Variants in CCDC73 observed in about 807,000 individuals in gnomAD.
CCDC73 encodes the protein coiled-coil domain-containing protein 73.
A neutral mutation model predicts 116.5 loss-of-function variants in CCDC73; 95 were observed. That is an observed-to-expected ratio of 0.82 (90% CI 0.69 to 0.97). The LOEUF (loss-of-function observed/expected upper bound fraction) is 0.97, where lower values mean the gene tolerates loss of function less well. Ranked by LOEUF, CCDC73 falls within the 50% of genes least tolerant of loss-of-function variation. The pLI, the probability that CCDC73 is intolerant of heterozygous loss-of-function variation, is 0.00. For synonymous variants in CCDC73, 398 were observed against 401.3 expected (o/e 0.99, Z 0.10); for missense variants, 1,066 against 1,206.8 (o/e 0.88, Z 1.73).
At chr11:32,805,094 C>T in the CCDC73 span, among the ~76,000 whole-genome samples, 3 of 152,190 alleles carry the variant, frequency 2.0e-5, no homozygotes, top group Non-Finnish European at 4.4e-5. Context: ...CATACAGAAC[C>T]TTGTATCTCA....
chr11:32,611,231 C>A lies in CCDC73; in HGVS notation c.2931G>T (p.Leu977Phe). Residue 977 changes from leucine to phenylalanine, a missense_variant, in exon 17 of 18, where the codon TTG (leucine) becomes TTT (phenylalanine). Transcript: ENST00000335185. ...TTSINRVADT[L>F]NNWSIHPDPK... Reference sequence around the variant, plus strand: ...GATCTGGATGGATACTCCAGTTATTCAAAGTGTCAGCAACTCTGTTAATGC... The same window carrying A: ...GATCTGGATGGATACTCCAGTTATTAAAAGTGTCAGCAACTCTGTTAATGC... 1 of 1,613,482 alleles carries A rather than the reference C, an allele frequency of 6.2e-7. No individual in the cohort carries two copies. The highest frequency in any genetic ancestry group is 8.5e-7 in the Non-Finnish European group (1 of 1,179,626).
chr11:32,792,824 T>C (rs1850688854), intron 1 of CCDC73, among the ~76,000 whole-genome samples: 1 of 152,240 alleles, frequency 6.6e-6, no homozygotes, highest in Admixed American at 6.5e-5. Context: ...TGCATTGTTA[T>C]TTAATCTCTT....
At chr11:32,608,617 GTGGCCCTCTTC>G (rs2133215038) in intron 17 of CCDC73, among the ~76,000 whole-genome samples, 2 of 152,268 alleles carry the variant, frequency 1.3e-5, no homozygotes, top group African/African-American at 4.8e-5. Context: ...CTAGAGGATG[GTGGCCCTCTTC>G]TCATAGCTCC....
In CCDC73 at chr11:32,615,969, C is replaced by A; in HGVS notation, c.1346G>T (p.Gly449Val). ...TATAATTATTTCCTCTATAAATGAGCCTTCTTTTTTTTCTTCTTTTTCTCT... is the reference window on the plus strand; with the variant it reads ...TATAATTATTTCCTCTATAAATGAGACTTCTTTTTTTTCTTCTTTTTCTCT... ...EYREKEEKKE[G>V]SFIEEIIIDD... is the part of the protein sequence containing the mutation. The change falls in exon 15 of 18, where the codon GGC becomes GTC. Residue 449 changes from glycine to valine, a missense_variant. Transcript: ENST00000335185. The A allele has an allele frequency of 6.3e-7, 1 of 1,578,652 alleles. No individual in the cohort carries two copies. Among genetic ancestry groups the A allele is most frequent in the Non-Finnish European group, 8.6e-7 (1 of 1,157,690 alleles).
intron 1 of CCDC73, among the ~76,000 whole-genome samples, chr11:32,767,591 C>A (rs1386901118): frequency 2.0e-5 from 3 of 152,146 alleles, no homozygotes; most frequent in African/African-American, 4.8e-5. Context: ...GGGCTAATAT[C>A]CAGAATCTAC....
Position 32,613,526 on chromosome 11 carries a change from A to C in CCDC73, c.2792T>G (p.Leu931Trp), listed in dbSNP as rs1855441346. 2.5e-6 allele frequency: 4 copies of C among 1,614,156 alleles called. No homozygotes were observed. Among genetic ancestry groups the C allele is most frequent in the African/African-American group, 1.3e-5 (1 of 75,054 alleles). Reference protein sequence around the residue: ...ASSSTPCISLLLKERPLDPSE... With the variant: ...ASSSTPCISLWLKERPLDPSE... The stretch of plus-strand genomic sequence containing the variant: ...TGGATCTAGTGGTCTCTCCTTCAGC[A>C]ACAAAGAAATGCAAGGGGTCGAACT... Residue 931 changes from leucine to tryptophan, a missense_variant, in exon 16 of 18, where the codon TTG becomes TGG. Leu to Trp is a moderately conservative substitution (Grantham distance 61). Coordinates refer to ENST00000335185, the MANE Select transcript of CCDC73 (RefSeq NM_001008391.4).
At position 32,614,260 on chromosome 11, in the gene CCDC73, C is replaced by T. The variant is rs776254950; in HGVS notation, c.2058G>A (p.Leu686=). 4 of 1,613,608 alleles carry T rather than the reference C, an allele frequency of 2.5e-6. No homozygotes were observed. The highest frequency in any genetic ancestry group is 3.4e-6 in the Non-Finnish European group (4 of 1,179,670). The part of the protein sequence containing the change: ...ILLSKQTSDF[L]QVCNDTLEKS... Reference sequence around the variant, plus strand: ...TCTCTAAAGTATCATTACAGACTTGCAGAAAATCTGAAGTTTGTTTAGAAA... The same window carrying T: ...TCTCTAAAGTATCATTACAGACTTGTAGAAAATCTGAAGTTTGTTTAGAAA... The change falls in exon 16 of 18, where the codon CTG becomes CTA. Residue 686 remains leucine (L), a synonymous_variant. Coordinates refer to ENST00000335185, the MANE Select transcript of CCDC73 (RefSeq NM_001008391.4).
the CCDC73 span, among the ~76,000 whole-genome samples, chr11:32,809,102 A>T: frequency 6.6e-6 from 1 of 152,358 alleles, no homozygotes; most frequent in African/African-American, 2.4e-5. Flanking sequence ...GCTAAACTTC[A>T]ACTAATATGG....
intron 12 of CCDC73, among the ~76,000 whole-genome samples, chr11:32,645,103 C>T (rs1049795686): frequency 3.9e-5 from 6 of 151,986 alleles, no homozygotes; most frequent in Admixed American, 6.6e-5. Context: ...TTAGCCTAGG[C>T]CTACACAGAG....
intron 12 of CCDC73, among the ~76,000 whole-genome samples, chr11:32,644,916 T>C (rs1375523908): frequency 6.6e-6 from 1 of 152,206 alleles, no homozygotes; most frequent in East Asian, 1.9e-4. Flanking sequence ...ATCCATTTTG[T>C]TGTGTGAATC....
At chr11:32,776,681 C>T (rs1850534510) in intron 1 of CCDC73, among the ~76,000 whole-genome samples, 1 of 151,874 alleles carries the variant, frequency 6.6e-6, no homozygotes, top group East Asian at 1.9e-4. Flanking sequence ...AAATTCAACC[C>T]TATAGTTTAA....
intron 2 of CCDC73, among the ~76,000 whole-genome samples, chr11:32,731,626 C>T (rs1850079091): frequency 6.6e-6 from 1 of 152,196 alleles, no homozygotes; most frequent in Admixed American, 6.5e-5. Flanking sequence ...GTTCTGCAGC[C>T]TCTGCTGGTG....
rs1850330515 is a variant in CCDC73, at chr11:32,755,643, GTATATATATATCTCCATATATA to G, written c.135+4444_135+4465del. Among the ~76,000 whole-genome samples the G allele has an allele frequency of 2.2e-4, 20 of 90,644 alleles. 1 individual carries two copies. The highest frequency in any genetic ancestry group is 7.7e-4 in the South Asian group (2 of 2,598). The allele number at this position is 90,644 out of a possible 152,430, so 59.5% of individuals were successfully genotyped here. On this transcript the variant is annotated intron_variant, in intron 2 of 17. Coordinates refer to ENST00000335185, the MANE Select transcript of CCDC73 (RefSeq NM_001008391.4). Reference sequence around the variant, plus strand: ...TATATATATATCTCCATATATATGTGTATATATATATCTCCATATATATGTGTATATATATATCTCCATATAT... The same window carrying G: ...TATATATATATCTCCATATATATGTGTGTGTATATATATATCTCCATATAT...
rs563082911 is a variant in CCDC73, at chr11:32,648,280, T to C, written c.939+4843A>G. Among the ~76,000 whole-genome samples the C allele has an allele frequency of 6.9e-4, 105 of 152,382 alleles. 2 individuals carry two copies. The highest frequency in any genetic ancestry group is 1.5e-3 in the Admixed American group (23 of 15,306). On this transcript the variant is annotated intron_variant, in intron 12 of 17. Transcript: ENST00000335185. ...CCATTGTCCATCTGGTTCCCACTTT[T>C]TAGTACTATTACTGTTTCCTCCCCA... is the stretch of plus-strand genomic sequence containing the variant.
the CCDC73 span, among the ~76,000 whole-genome samples, chr11:32,826,874 T>A: frequency 6.6e-6 from 1 of 152,108 alleles, no homozygotes; most frequent in Non-Finnish European, 1.5e-5. Flanking sequence ...ATTATTATAA[T>A]TATTGAGATG....
chr11:32,787,606 C>T (rs989030), intron 1 of CCDC73, among the ~76,000 whole-genome samples: 144,123 of 152,206 alleles, frequency 0.95, 68,319 homozygotes, highest in East Asian at 1. Context: ...TGAATACTCT[C>T]ATAACTTGAA....
chr11:32,650,552 A>G (rs917098850), intron 12 of CCDC73, among the ~76,000 whole-genome samples: 6 of 152,202 alleles, frequency 3.9e-5, no homozygotes, highest in Admixed American at 2.0e-4. Flanking sequence ...TTATCTAACT[A>G]TAGAGTGGGC....
intron 1 of CCDC73, among the ~76,000 whole-genome samples, chr11:32,783,295 T>C (rs1850598743): frequency 6.6e-6 from 1 of 152,190 alleles, no homozygotes; most frequent in South Asian, 2.1e-4. Flanking sequence ...TTAACAGCCA[T>C]GTCAACAGTG....
At chr11:32,823,761 A>G in the CCDC73 span, among the ~76,000 whole-genome samples, 14 of 152,136 alleles carry the variant, frequency 9.2e-5, no homozygotes, top group African/African-American at 3.4e-4. Flanking sequence ...TTTTTTTTAA[A>G]CAGGATGTTG....
Sources: allele counts gnomAD v4.1 joint callset (sites outside exome capture counted in the v4.1 genomes callset), GRCh38; gene constraint gnomAD v4.1.1; transcripts MANE v1.5; gene names NCBI Gene and HGNC (gene_info 2026-07-23, HGNC 2026-07-21).